CCDC149: variants seen among roughly 807,000 people sequenced by gnomAD.
The protein encoded by CCDC149 is coiled-coil domain-containing protein 149.
CCDC149 carries 45 observed loss-of-function variants against 59.9 expected under a neutral mutation model. The observed-to-expected ratio is 0.75, with a 90% CI of 0.59 to 0.96. The LOEUF is 0.96. Ranked by LOEUF, CCDC149 falls within the 40% of genes least tolerant of loss-of-function variation. The pLI, the probability that CCDC149 is intolerant of heterozygous loss-of-function variation, is 0.00. For synonymous variants in CCDC149, 245 were observed against 260.6 expected, an observed-to-expected ratio of 0.94 and a Z score of 0.58; for missense variants, 584 against 664.7, an observed-to-expected ratio of 0.88 and a Z score of 1.33.
chr4:24,922,420 C>T (rs1246183374), intron 1 of CCDC149, among the ~76,000 whole-genome samples: 1 of 152,242 alleles, frequency 6.6e-6, no homozygotes, highest in Non-Finnish European at 1.5e-5. Context: ...GGCACTCACT[C>T]AGTAATATTT....
chr4:24,974,180 C>T (rs907721003), intron 1 of CCDC149, among the ~76,000 whole-genome samples: 2 of 152,194 alleles, frequency 1.3e-5, no homozygotes, highest in Admixed American at 6.5e-5. Flanking sequence ...GAAGGTGACC[C>T]GCAGGTGCCG....
At chr4:24,839,000 A>ACTCTCT (rs36052894) in intron 4 of CCDC149, among the ~76,000 whole-genome samples, 8 of 128,740 alleles carry the variant, frequency 6.2e-5, no homozygotes, top group Non-Finnish European at 8.0e-5. Flanking sequence ...TATACTAAGA[A>ACTCTCT]CTCTCTCTCT....
chr4:24,879,891 C>T (rs1719731541), intron 1 of CCDC149, among the ~76,000 whole-genome samples: 1 of 152,160 alleles, frequency 6.6e-6, no homozygotes, highest in Admixed American at 6.5e-5. Context: ...CTGGAAGCCT[C>T]AAGCTGCACA....
intron 1 of CCDC149, among the ~76,000 whole-genome samples, chr4:24,972,914 G>T (rs1724021195): frequency 6.6e-6 from 1 of 152,114 alleles, no homozygotes; most frequent in Non-Finnish European, 1.5e-5. Context: ...CTAACTGAGG[G>T]TCTAGCACTT....
At chr4:24,905,516 A>G (rs1211207982) in intron 1 of CCDC149, among the ~76,000 whole-genome samples, 1 of 148,850 alleles carries the variant, frequency 6.7e-6, no homozygotes, top group Non-Finnish European at 1.5e-5. Context: ...GCCCACTACA[A>G]CCTCCACCTA....
At chr4:24,813,503 T>TATATATATATATATATATATATAC (rs1714788064) in intron 12 of CCDC149, among the ~76,000 whole-genome samples, 3 of 135,688 alleles carry the variant, frequency 2.2e-5, no homozygotes, top group Admixed American at 7.4e-5. Context: ...TATATATATA[T>TATATATATATATATATATATATAC]ATATATATAT....
At chr4:24,894,221 T>A (rs1720713596) in intron 1 of CCDC149, among the ~76,000 whole-genome samples, 1 of 152,150 alleles carries the variant, frequency 6.6e-6, no homozygotes, top group Admixed American at 6.5e-5. Context: ...AAAATTACAT[T>A]AAAAAATCTT....
intron 1 of CCDC149, among the ~76,000 whole-genome samples, chr4:24,933,387 T>A (rs1722650899): frequency 6.6e-6 from 1 of 152,156 alleles, no homozygotes; most frequent in African/African-American, 2.4e-5. Flanking sequence ...AAAAAACAAA[T>A]GCCTGGTAAG....
chr4:24,911,775 A>T (rs1365113905), intron 1 of CCDC149, among the ~76,000 whole-genome samples: 7 of 152,200 alleles, frequency 4.6e-5, no homozygotes, highest in Non-Finnish European at 1.0e-4. Flanking sequence ...CTATTATCAG[A>T]CTGACCTGGA....
chr4:24,917,756 T>A (rs189011835), upstream of CCDC149, among the ~76,000 whole-genome samples: 1 of 152,222 alleles, frequency 6.6e-6, no homozygotes, highest in East Asian at 1.9e-4. Flanking sequence ...ACAGGAAAAG[T>A]CATCTGCTCT....
At chr4:24,909,293 C>T (rs1438996570) in intron 1 of CCDC149, among the ~76,000 whole-genome samples, 1 of 152,138 alleles carries the variant, frequency 6.6e-6, no homozygotes, top group Non-Finnish European at 1.5e-5. Flanking sequence ...AATGCAAGCC[C>T]ACGAAAATCC....
chr4:24,909,938 T>C (rs1721776373), intron 1 of CCDC149, among the ~76,000 whole-genome samples: 1 of 152,210 alleles, frequency 6.6e-6, no homozygotes, highest in East Asian at 1.9e-4. Context: ...CTTTTGTAAA[T>C]CACCCAGTCT....
At chr4:24,929,838 T>A (rs1722534833) in intron 1 of CCDC149, among the ~76,000 whole-genome samples, 1 of 152,142 alleles carries the variant, frequency 6.6e-6, no homozygotes, top group Admixed American at 6.6e-5. Context: ...ATATAATATT[T>A]TTTCCCTACC....
intron 1 of CCDC149, among the ~76,000 whole-genome samples, chr4:24,952,884 T>C (rs1723357815): frequency 6.6e-6 from 1 of 151,850 alleles, no homozygotes; most frequent in Admixed American, 6.6e-5. Context: ...TCTGTTTCTA[T>C]AAATTTGGCT....
At chr4:24,936,310 A>ATT (rs1338863035) in intron 1 of CCDC149, among the ~76,000 whole-genome samples, 2 of 137,914 alleles carry the variant, frequency 1.5e-5, no homozygotes, top group African/African-American at 2.9e-5. Context: ...ATATTGCCAC[A>ATT]TATTTTTATA....
intron 1 of CCDC149, among the ~76,000 whole-genome samples, chr4:24,965,313 A>T (rs1723762152): frequency 6.6e-6 from 1 of 151,058 alleles, no homozygotes; most frequent in Non-Finnish European, 1.5e-5. Context: ...AAGAGACCTA[A>T]ATGCAAGTAA....
intron 1 of CCDC149, among the ~76,000 whole-genome samples, chr4:24,943,204 C>T (rs1211018441): frequency 4.6e-5 from 7 of 152,090 alleles, no homozygotes; most frequent in African/African-American, 7.2e-5. Context: ...AGATAAAGAC[C>T]GATGGAACAG....
rs1715360813 is a variant in CCDC149 at position 24,821,086 on chromosome 4, G to A, written c.1044C>T (p.Gly348=). 2 of 1,231,080 alleles carry A rather than the reference G, an allele frequency of 1.6e-6. No homozygotes were observed. The highest frequency in any genetic ancestry group is 4.1e-5 in the South Asian group (1 of 24,284). 76.3% of individuals were successfully genotyped at this position (1,231,080 alleles called of 1,614,324 possible). Reference sequence around the variant, plus strand: ...ATCCTACTGAAACATTGTAGCTCAGGCCTTCAGGCAGCAAAAAGAAAAAAA... The same window carrying A: ...ATCCTACTGAAACATTGTAGCTCAGACCTTCAGGCAGCAAAAAGAAAAAAA... The change falls in exon 11 of 13, where the codon GGC becomes GGT. Residue 348 remains glycine, a splice_region_variant and synonymous_variant. Coordinates refer to ENST00000635206, the MANE Select transcript of CCDC149 (RefSeq NM_001330643.2).
Position 24,841,855 on chromosome 4 carries a change from G to A in CCDC149, c.373-3583C>T, listed in dbSNP as rs76533596. Among the ~76,000 whole-genome samples, 286 of 152,318 alleles carry A rather than the reference G, an allele frequency of 1.9e-3. 1 individual carries two copies. Among genetic ancestry groups the A allele is most frequent in the African/African-American group, 6.6e-3 (273 of 41,574 alleles). On this transcript the variant is annotated intron_variant, in intron 4 of 12. Transcript: ENST00000635206. The stretch of plus-strand genomic sequence containing the variant: ...AGTTAAATGAACACTGAACTCAGGG[G>A]AGTTCAAATAGTCATATATATGAGT...
Sources: allele counts gnomAD v4.1 joint callset (sites outside exome capture counted in the v4.1 genomes callset), GRCh38; gene constraint gnomAD v4.1.1; transcripts MANE v1.5; gene names NCBI Gene and HGNC (gene_info 2026-07-23, HGNC 2026-07-21).